Variants in MAP6 observed in about 807,000 individuals in gnomAD.
MAP6 encodes the protein microtubule associated protein 6.
MAP6 carries 26 observed loss-of-function variants against 42.4 expected under a neutral mutation model. The ratio of observed to expected loss-of-function variants is 0.61; its 90% CI spans 0.45 to 0.85. The LOEUF (loss-of-function observed/expected upper bound fraction) is 0.85. Among genes scored for constraint, MAP6 ranks in the 40% least tolerant of loss-of-function variants. MAP6 has a pLI of 0.00. For synonymous variants in MAP6, 418 were observed against 443.8 expected (o/e 0.94, Z 0.73); for missense variants, 966 against 1,099.0 (o/e 0.88, Z 1.71).
In MAP6 at chr11:75,599,894, C is replaced by G. The variant is rs564246797; in HGVS notation, c.1316+5914G>C. On this transcript the variant is annotated intron_variant, in intron 3 of 3. Coordinates refer to ENST00000304771, the MANE Select transcript of MAP6 (RefSeq NM_033063.2). ...CCCTTTCTCCTCTGTTACATGGGGC[C>G]AACACCTGCCCCATAACATTGGGAG... is the stretch of plus-strand genomic sequence containing the variant. 3.3e-5 allele frequency among the ~76,000 whole-genome samples: 5 copies of G among 152,288 alleles called. No homozygotes were observed. The East Asian group carries it at 9.6e-4, about 29-fold the overall frequency.
intron 3 of MAP6, chr11:75,596,215 GC>G (rs1265431857): frequency 6.6e-6 from 1 of 152,256 alleles, no homozygotes; most frequent in Non-Finnish European, 1.5e-5. Flanking sequence ...AAGCGAAAAC[GC>G]GGTGCAGAAA....
Position 75,592,500 on chromosome 11 carries a change from C to G in MAP6, c.1317-4316G>C, listed in dbSNP as rs11236462. Among the ~76,000 whole-genome samples the G allele has an allele frequency of 4.7e-3, 711 of 152,318 alleles. 4 individuals carry two copies. Among genetic ancestry groups the G allele is most frequent in the African/African-American group, 0.016 (677 of 41,570 alleles). ...CTCCCTCTCCCTCAAAACCCTCACC[C>G]CATCCATCAGGTCCCATTGATTTCA... On this transcript the variant is annotated intron_variant, in intron 3 of 3. Transcript: ENST00000304771.
intron 1 of MAP6, among the ~76,000 whole-genome samples, chr11:75,656,509 C>T (rs1286227444): frequency 1.3e-5 from 2 of 152,182 alleles, no homozygotes; most frequent in Admixed American, 1.3e-4. Context: ...AGGTTGAGAC[C>T]ACAGTGAGGC....
chr11:75,601,938 G>A (rs761937198), intron 3 of MAP6, among the ~76,000 whole-genome samples: 30 of 151,430 alleles, frequency 2.0e-4, no homozygotes, highest in Non-Finnish European at 2.8e-4. Context: ...CTGATCCATG[G>A]AACCAGCTAG....
At chr11:75,664,218 TAATC>T (rs1702708488) in intron 1 of MAP6, among the ~76,000 whole-genome samples, 1 of 152,242 alleles carries the variant, frequency 6.6e-6, no homozygotes, top group South Asian at 2.1e-4. Flanking sequence ...TATTAAAAAT[TAATC>T]AAACTCATGT....
chr11:75,605,301 G>A, intron 3 of MAP6: 1 of 985,922 alleles, frequency 1.0e-6, no homozygotes, highest in Non-Finnish European at 1.2e-6. Flanking sequence ...TTCTTTTTTT[G>A]TTATTTTTGT....
Position 75,668,226 on chromosome 11 carries a change from C to G in MAP6, c.144G>C (p.Pro48=). 7.2e-7 allele frequency: 1 copy of G among 1,389,040 alleles called. No individual in the cohort carries two copies. The highest frequency in any genetic ancestry group is 9.3e-7 in the Non-Finnish European group (1 of 1,074,746). The allele number at this position is 1,389,040 out of a possible 1,614,324, so 86.0% of individuals were successfully genotyped here. A position where few individuals can be genotyped will look rare whatever the true frequency, so the allele number is the denominator to read the frequency against. ...EHPGAPPQPP[P]PQQQAQPALA... ...GCGCCGGCTGCGCCTGCTGCTGCGG[C>G]GGCGGTGGCTGCGGCGGGGCGCCCG... The change falls in exon 1 of 4, where the codon CCG becomes CCC. Residue 48 remains proline, a synonymous_variant. Transcript: ENST00000304771.
At chr11:75,598,897 G>A (rs1447367253) in intron 3 of MAP6, 1 of 152,342 alleles carries the variant, frequency 6.6e-6, no homozygotes, top group Admixed American at 6.5e-5. Flanking sequence ...CAGCTTGGGA[G>A]GTGCGGGAAA....
chr11:75,617,281 C>G (rs951076555), intron 1 of MAP6, among the ~76,000 whole-genome samples: 1 of 152,124 alleles, frequency 6.6e-6, no homozygotes, highest in Non-Finnish European at 1.5e-5. Context: ...CCCTGGGAGG[C>G]CAAGGCCGGC....
At chr11:75,607,772 CA>C (rs1942807225) in intron 2 of MAP6, 1 of 620,110 alleles carries the variant, frequency 1.6e-6, no homozygotes, top group Non-Finnish European at 2.0e-6. Context: ...GGGGCCCAAG[CA>C]CATCTATTTT....
chr11:75,587,318 C>T lies in MAP6; in HGVS notation c.2183G>A (p.Gly728Asp), dbSNP rs550846507. The change falls in exon 4 of 4, where the codon GGC (glycine) becomes GAC (aspartate). Residue 728 changes from glycine to aspartate, a missense_variant. Around this residue, in one of 2 missense-constraint regions of MAP6, gnomAD observed 943 missense variants for 1,049.9 expected, o/e 0.90. Transcript: ENST00000304771. The stretch of plus-strand genomic sequence containing the variant: ...CTTTGGAGGCTGTAGGACTGTGGGG[C>T]CTTGATCCTTAACTAGTACTGGGAG... ...PILPVLVKDQ[G>D]PTVLQPPKNQ... The T allele has an allele frequency of 3.1e-6, 5 of 1,614,112 alleles. No homozygotes were observed. The Admixed American group carries it at 5.0e-5, about 16-fold the overall frequency.
chr11:75,616,524 G>C (rs1942996706), intron 1 of MAP6, among the ~76,000 whole-genome samples: 1 of 152,204 alleles, frequency 6.6e-6, no homozygotes, highest in South Asian at 2.1e-4. Context: ...CACTCTGATG[G>C]AGGCAGTCAC....
intron 1 of MAP6, among the ~76,000 whole-genome samples, chr11:75,621,982 C>T (rs915131659): frequency 2.6e-5 from 4 of 151,856 alleles, no homozygotes; most frequent in Non-Finnish European, 4.4e-5. Flanking sequence ...GAGATCATGC[C>T]ACTGCACTCC....
At chr11:75,644,829 C>A (rs150618765) in intron 1 of MAP6, among the ~76,000 whole-genome samples, 1,672 of 152,252 alleles carry the variant, frequency 0.011, 14 homozygotes, top group Non-Finnish European at 0.018. Context: ...CTCTCCCCCA[C>A]AAAATGCATA....
intron 1 of MAP6, among the ~76,000 whole-genome samples, chr11:75,633,985 T>C (rs1039756356): frequency 2.0e-5 from 3 of 152,184 alleles, no homozygotes; most frequent in South Asian, 2.1e-4. Context: ...AGCTGCTGCA[T>C]TCAGAACAGA....
At chr11:75,639,472 T>C (rs538698928) in intron 1 of MAP6, among the ~76,000 whole-genome samples, 106 of 152,322 alleles carry the variant, frequency 7.0e-4, no homozygotes, top group African/African-American at 2.5e-3. Flanking sequence ...CTGGTTGAGA[T>C]GTACAATAGC....
chr11:75,605,567 C>T (rs373320129), intron 3 of MAP6: 22 of 1,297,058 alleles, frequency 1.7e-5, no homozygotes, highest in Middle Eastern at 3.0e-4. Flanking sequence ...GCACAGCCAG[C>T]GGCAACGCTT....
intron 1 of MAP6, among the ~76,000 whole-genome samples, chr11:75,651,285 T>C (rs1033884625): frequency 1.3e-5 from 2 of 152,196 alleles, no homozygotes; most frequent in African/African-American, 4.8e-5. Flanking sequence ...GGGACTACTA[T>C]GCTGTGCTAA....
chr11:75,667,611 G>T lies in MAP6; in HGVS notation c.759C>A (p.Gly253=). The T allele has an allele frequency of 7.7e-7, 1 of 1,304,750 alleles. No individual in the cohort carries two copies. The highest frequency in any genetic ancestry group is 9.7e-7 in the Non-Finnish European group (1 of 1,035,354). The allele number at this position is 1,304,750 out of a possible 1,614,324, so 80.8% of individuals were successfully genotyped here. A position where few individuals can be genotyped will look rare whatever the true frequency, so the allele number is the denominator to read the frequency against. Residue 253 remains glycine, a synonymous_variant, in exon 1 of 4, where the codon GGC becomes GGA. Coordinates refer to ENST00000304771, the MANE Select transcript of MAP6 (RefSeq NM_033063.2). This position sits in a 1 kb window ranked among gnomAD's most constrained non-coding sequence, Gnocchi z 5.6. ...GCAGCGGCGTCTGCTCGTGCCCCAG[G>T]CCCTCGGCGCGGCGCACAATCCAGG... The part of the protein sequence containing the change: ...GPAWIVRRAE[G]LGHEQTPLPA...
Sources: allele counts gnomAD v4.1 joint callset (sites outside exome capture counted in the v4.1 genomes callset), GRCh38; gene constraint gnomAD v4.1.1; regional missense constraint gnomAD v4.1.1; non-coding constraint Gnocchi (gnomAD v3.1); transcripts MANE v1.5; gene names NCBI Gene and HGNC (gene_info 2026-07-23, HGNC 2026-07-21).